The following GLB1L3 variants were observed in gnomAD, a reference collection of about 807,000 sequenced individuals.
GLB1L3 encodes galactosidase beta 1 like 3.
Under a neutral mutation model 89.5 loss-of-function variants are expected in GLB1L3, and 89 were observed. The ratio of observed to expected loss-of-function variants is 0.99; its 90% confidence interval spans 0.84 to 1.19. GLB1L3 has a LOEUF of 1.19. Among genes scored for constraint, GLB1L3 ranks in the 50% most tolerant of loss-of-function variants. The pLI is 0.00. For missense variants in GLB1L3, 812 were observed against 813.3 expected, an observed-to-expected ratio of 1.00 and a Z score of 0.02; for synonymous variants, 314 against 312.3, an observed-to-expected ratio of 1.01 and a Z score of -0.06.
At chr11:134,293,842 C>G (rs1941490010) in intron 9 of GLB1L3, among the ~76,000 whole-genome samples, 1 of 152,236 alleles carries the variant, frequency 6.6e-6, no homozygotes, top group Admixed American at 6.5e-5. Flanking sequence ...TCCTGGTTGT[C>G]CTTTGTGCCC....
Position 134,277,887 on chromosome 11 carries a change from G to T in GLB1L3, c.337G>T (p.Ala113Ser), listed in dbSNP as rs930341802. ...GAGGGACCGCCTGCTGAAGCTGAAG[G>T]CCTGTGGCTTCAATACTGTCACCAC... is the stretch of plus-strand genomic sequence containing the variant. ...YWRDRLLKLK[A>S]CGFNTVTTYV... is the part of the protein sequence containing the mutation. The change falls in exon 3 of 20, where the codon GCC becomes TCC. Residue 113 changes from alanine (A) to serine (S), a missense_variant. By Grantham distance (99) the Ala-to-Ser change is moderately conservative. Coordinates refer to ENST00000431683, the MANE Select transcript of GLB1L3 (RefSeq NM_001080407.3). The T allele has an allele frequency of 2.5e-6, 4 of 1,613,886 alleles. No individual in the cohort carries two copies. The highest frequency in any genetic ancestry group is 3.3e-5 in the Admixed American group (2 of 59,974).
chr11:134,286,605 T>C (rs534775788), intron 6 of GLB1L3, among the ~76,000 whole-genome samples: 200 of 151,318 alleles, frequency 1.3e-3, no homozygotes, highest in Non-Finnish European at 2.4e-3. Flanking sequence ...TGAAACCCCG[T>C]CTCTACTAAA....
chr11:134,282,002 G>A (rs778966543), intron 4 of GLB1L3, 23 bp from the exon 5 acceptor site: 8 of 1,536,794 alleles, frequency 5.2e-6, no homozygotes, highest in African/African-American at 2.8e-5. Context: ...CGTGGGAGGG[G>A]CTGACGATGT....
At chr11:134,280,717 A>G (rs1476008754) in intron 3 of GLB1L3, among the ~76,000 whole-genome samples, 1 of 152,156 alleles carries the variant, frequency 6.6e-6, no homozygotes, top group African/African-American at 2.4e-5. Flanking sequence ...TGGGCCATAC[A>G]GTCAGTTCTA....
At chr11:134,281,481 G>C (rs1565388506) in intron 4 of GLB1L3, 36 bp downstream of exon 4, 9 of 1,540,948 alleles carry the variant, frequency 5.8e-6, no homozygotes, top group Non-Finnish European at 8.0e-6. Flanking sequence ...CCTGGTCAGG[G>C]GCAGGGCACA....
intron 9 of GLB1L3, among the ~76,000 whole-genome samples, chr11:134,296,173 A>G (rs2136160653): frequency 6.6e-6 from 1 of 151,424 alleles, no homozygotes; most frequent in East Asian, 1.9e-4. Context: ...AATGGCAGTC[A>G]TTAAAAAGTC....
chr11:134,315,342 A>T (rs114263635), intron 18 of GLB1L3, among the ~76,000 whole-genome samples: 1 of 152,264 alleles, frequency 6.6e-6, no homozygotes, highest in African/African-American at 2.4e-5. Context: ...TTTTGGTGCC[A>T]ATGTTTAGGG....
intron 6 of GLB1L3, among the ~76,000 whole-genome samples, chr11:134,287,822 G>A (rs976319203): frequency 1.3e-5 from 2 of 152,234 alleles, no homozygotes; most frequent in Non-Finnish European, 2.9e-5. Context: ...AGGCGGGAAG[G>A]AGGCAGAGGG....
chr11:134,290,567 G>GT (rs1229035021), intron 7 of GLB1L3, among the ~76,000 whole-genome samples: 11 of 113,348 alleles, frequency 9.7e-5, no homozygotes, highest in Admixed American at 2.2e-4. Context: ...AGTGAGACTC[G>GT]TCCCCCCCCG....
intron 9 of GLB1L3, among the ~76,000 whole-genome samples, chr11:134,297,497 G>T (rs1434662282): frequency 1.3e-5 from 2 of 150,564 alleles, no homozygotes; most frequent in African/African-American, 2.4e-5. Context: ...ATAATTTTTT[G>T]ATTCCATTTT....
At chr11:134,323,391 A>T (rs1943189018), downstream of GLB1L3, among the ~76,000 whole-genome samples, 1 of 54,228 alleles carries the variant, frequency 1.8e-5, no homozygotes, top group Admixed American at 1.9e-4. Flanking sequence ...ACACACACAC[A>T]CACGTACACA....
At chr11:134,283,363 CA>C (rs1208319771) in intron 5 of GLB1L3, among the ~76,000 whole-genome samples, 1 of 151,958 alleles carries the variant, frequency 6.6e-6, no homozygotes, top group Non-Finnish European at 1.5e-5. Context: ...CGCGCCTGAC[CA>C]AAAAATGTTT....
At chr11:134,290,654 C>T (rs1442959244) in intron 7 of GLB1L3, among the ~76,000 whole-genome samples, 2 of 151,066 alleles carry the variant, frequency 1.3e-5, no homozygotes, top group Admixed American at 6.6e-5. Flanking sequence ...AGGTCTGACT[C>T]GATAAGCACA....
At chr11:134,291,288 T>G (rs1051922145) in intron 7 of GLB1L3, among the ~76,000 whole-genome samples, 5 of 149,442 alleles carry the variant, frequency 3.3e-5, no homozygotes, top group African/African-American at 1.2e-4. Context: ...TTTTTTTTTT[T>G]CTGAGATAGT....
At chr11:134,322,106 C>A (rs929906222), downstream of GLB1L3, among the ~76,000 whole-genome samples, 7 of 152,024 alleles carry the variant, frequency 4.6e-5, no homozygotes, top group Non-Finnish European at 1.0e-4. Context: ...ATGCAATGAT[C>A]GAAAGTCCAA....
chr11:134,309,509 G>A (rs1200242101), intron 10 of GLB1L3, 117 bp from the exon 11 acceptor site: 10 of 609,784 alleles, frequency 1.6e-5, no homozygotes, highest in Middle Eastern at 4.3e-4. Flanking sequence ...TAGCCGTGAA[G>A]CGAGGAGTTA....
At chr11:134,293,285 G>A (rs1389884844) in intron 9 of GLB1L3, 76 bp downstream of exon 9, 15 of 1,235,402 alleles carry the variant, frequency 1.2e-5, no homozygotes, top group East Asian at 9.5e-5. Context: ...CTGGTATTCC[G>A]TGAAAACAGG....
intron 7 of GLB1L3, among the ~76,000 whole-genome samples, chr11:134,290,609 A>AT (rs1941307163): frequency 2.7e-5 from 3 of 112,120 alleles, no homozygotes; most frequent in Non-Finnish European, 6.1e-5. Context: ...AAAAAGAAAA[A>AT]GAAAAAAAAA....
rs1294299873 is a variant in GLB1L3 at position 134,319,220 on chromosome 11, C to T, written c.*278C>T. The T allele has an allele frequency of 3.8e-5, 13 of 339,202 alleles. No homozygotes were observed. The highest frequency in any genetic ancestry group is 6.5e-5 in the Non-Finnish European group (12 of 184,610). 21.0% of individuals were successfully genotyped at this position (339,202 alleles called of 1,614,324 possible). A position where few individuals can be genotyped will look rare whatever the true frequency, so the allele number is the denominator to read the frequency against. ...CTGCTCTCCTCAGCCTCCCAAAGTACTGGGATTACAGGCGTGAGCCACCAC... is the reference window on the plus strand; with the variant it reads ...CTGCTCTCCTCAGCCTCCCAAAGTATTGGGATTACAGGCGTGAGCCACCAC... On this transcript the variant is annotated 3_prime_UTR_variant, in exon 20 of 20. Transcript: ENST00000431683.
Sources: allele counts gnomAD v4.1 joint callset (sites outside exome capture counted in the v4.1 genomes callset), GRCh38; gene constraint gnomAD v4.1.1; transcripts MANE v1.5; gene names NCBI Gene and HGNC (gene_info 2026-07-23, HGNC 2026-07-21).